The following GRAP2 variants were observed in gnomAD, a reference collection of about 807,000 sequenced individuals.
The protein encoded by GRAP2 is GRB2 related adaptor protein 2.
A neutral mutation model predicts 43.5 loss-of-function variants in GRAP2; 31 were observed. The observed-to-expected ratio is 0.71, with a 90% CI of 0.54 to 0.96. The LOEUF (loss-of-function observed/expected upper bound fraction) is 0.96. Ranked by LOEUF, GRAP2 falls within the 40% of genes least tolerant of loss-of-function variation. The pLI, the probability that GRAP2 is intolerant of heterozygous loss-of-function variation, is 0.00. For synonymous variants in GRAP2, 156 were observed against 164.8 expected (o/e 0.95, Z 0.41); for missense variants, 371 against 424.4 (o/e 0.87, Z 1.11).
At chr22:39,969,358 G>A (rs921307510) in intron 6 of GRAP2, 53 bp from the exon 7 acceptor site, 12 of 1,606,720 alleles carry the variant, frequency 7.5e-6, no homozygotes, top group Admixed American at 3.3e-5. Flanking sequence ...TGGGGGAACC[G>A]GTGGGAGATG....
chr22:39,971,860 A>C lies in GRAP2; in HGVS notation c.*776A>C, dbSNP rs573942548. ...CTCTGTTTCCCCAGCTATGAAGGAA[A>C]TAGCATCCTACATTCCGTAAAGTGC... On this transcript the variant is annotated 3_prime_UTR_variant, in exon 8 of 8. Coordinates refer to ENST00000344138, the MANE Select transcript of GRAP2 (RefSeq NM_004810.4). 1 of 152,362 alleles carries C rather than the reference A, an allele frequency of 6.6e-6. No homozygotes were observed. Among genetic ancestry groups the C allele is most frequent in the South Asian group, 2.1e-4 (1 of 4,828 alleles). 9.4% of individuals were successfully genotyped at this position (152,362 alleles called of 1,614,324 possible). A position where few individuals can be genotyped will look rare whatever the true frequency, so the allele number is the denominator to read the frequency against.
At chr22:39,957,432 C>T (rs1471151630) in intron 3 of GRAP2, among the ~76,000 whole-genome samples, 2 of 152,164 alleles carry the variant, frequency 1.3e-5, no homozygotes, top group Non-Finnish European at 2.9e-5. Flanking sequence ...CCTCCCCCAC[C>T]GCATCCACCT....
At chr22:39,944,681 G>A (rs1289708351) in intron 1 of GRAP2, among the ~76,000 whole-genome samples, 6 of 152,122 alleles carry the variant, frequency 3.9e-5, no homozygotes, top group Non-Finnish European at 5.9e-5. Flanking sequence ...CTTCTGCCTC[G>A]GCCTTCTCAC....
intron 1 of GRAP2, among the ~76,000 whole-genome samples, chr22:39,942,832 G>C (rs1033337080): frequency 1.3e-5 from 2 of 152,094 alleles, no homozygotes; most frequent in Non-Finnish European, 2.9e-5. Flanking sequence ...CTGATGTCCT[G>C]ACAAATATGT....
chr22:39,897,026 T>G (rs1012431201), upstream of GRAP2, among the ~76,000 whole-genome samples: 8 of 152,208 alleles, frequency 5.3e-5, no homozygotes, highest in African/African-American at 1.9e-4. Flanking sequence ...TTGTCTTCTC[T>G]ATCTATATTC....
chr22:39,973,439 C>G lies in GRAP2; in HGVS notation c.*2355C>G, dbSNP rs5750889. 6.6e-6 allele frequency: 1 copy of G among 152,220 alleles called. No homozygotes were observed. The highest frequency in any genetic ancestry group is 2.4e-5 in the African/African-American group (1 of 41,442). The allele number at this position is 152,220 out of a possible 1,614,324, so 9.4% of individuals were successfully genotyped here. ...GTCATCGGCCTGCAGGAGCTGACCC[C>G]GTAGGCAGGCGGTATGAGCAGAGCT... On this transcript the variant is annotated 3_prime_UTR_variant, in exon 8 of 8. Coordinates refer to ENST00000344138, the MANE Select transcript of GRAP2 (RefSeq NM_004810.4).
At chr22:39,915,113 C>T (rs563401744) in intron 1 of GRAP2, among the ~76,000 whole-genome samples, 69 of 146,486 alleles carry the variant, frequency 4.7e-4, no homozygotes, top group African/African-American at 1.7e-3. Context: ...CACTTGAACC[C>T]GGGAGGCAGA....
At chr22:39,929,562 T>A (rs1353430317) in intron 1 of GRAP2, among the ~76,000 whole-genome samples, 1 of 152,196 alleles carries the variant, frequency 6.6e-6, no homozygotes, top group Non-Finnish European at 1.5e-5. Flanking sequence ...TTGTCCTCCT[T>A]CTTTCCCATT....
At chr22:39,928,527 A>T (rs1412435768) in intron 1 of GRAP2, among the ~76,000 whole-genome samples, 2 of 152,210 alleles carry the variant, frequency 1.3e-5, no homozygotes, top group Non-Finnish European at 2.9e-5. Context: ...AGCTGAATTG[A>T]TTAAATCCCT....
intron 1 of GRAP2, among the ~76,000 whole-genome samples, chr22:39,901,656 T>C (rs532507075): frequency 3.3e-5 from 5 of 152,246 alleles, no homozygotes; most frequent in African/African-American, 1.2e-4. Flanking sequence ...TTCACCATGG[T>C]CAGAATTTAA....
upstream of GRAP2, among the ~76,000 whole-genome samples, chr22:39,900,216 A>C (rs2066485130): frequency 6.6e-6 from 1 of 152,224 alleles, no homozygotes; most frequent in African/African-American, 2.4e-5. Context: ...CATTGCAGAA[A>C]AAGTTTAAAT....
intron 6 of GRAP2, chr22:39,968,704 A>G: frequency 5.6e-6 from 1 of 177,424 alleles, no homozygotes; most frequent in South Asian, 1.7e-4. Flanking sequence ...ATGGGATTTC[A>G]GGCGGCTTAC....
chr22:39,904,801 T>G (rs1169590904), intron 1 of GRAP2, among the ~76,000 whole-genome samples: 3 of 152,226 alleles, frequency 2.0e-5, no homozygotes, highest in Admixed American at 6.5e-5. Context: ...GTCTCATGCT[T>G]CTTTCTTCAA....
At chr22:39,896,024 G>C in the GRAP2 span, among the ~76,000 whole-genome samples, 4 of 152,144 alleles carry the variant, frequency 2.6e-5, no homozygotes, top group African/African-American at 9.7e-5. Flanking sequence ...ACCAATCTTT[G>C]GTCCTTGATT....
chr22:39,963,730 C>T (rs1274919109), intron 4 of GRAP2, among the ~76,000 whole-genome samples: 1 of 152,158 alleles, frequency 6.6e-6, no homozygotes, highest in Non-Finnish European at 1.5e-5. Flanking sequence ...CCTAAGAAAC[C>T]TCCATGGTCA....
intron 1 of GRAP2, among the ~76,000 whole-genome samples, chr22:39,943,984 C>T (rs901401145): frequency 1.3e-5 from 2 of 152,038 alleles, no homozygotes; most frequent in African/African-American, 2.4e-5. Context: ...GGATTACAGG[C>T]GTGAGCCACT....
At chr22:39,902,819 G>A (rs2066501135) in intron 1 of GRAP2, among the ~76,000 whole-genome samples, 1 of 152,176 alleles carries the variant, frequency 6.6e-6, no homozygotes, top group Admixed American at 6.5e-5. Flanking sequence ...AAGAATAAAT[G>A]AGTTAACATA....
rs2067031997 is a variant in GRAP2 at position 39,955,069 on chromosome 22, G to A, written c.79-750G>A. ...AAAAACAATAACAAATTGAATTTTT[G>A]AAAAGTTTCCTGGGCCTGGTGGCTC... is the stretch of plus-strand genomic sequence containing the variant. On this transcript the variant is annotated intron_variant, in intron 2 of 7. Coordinates refer to ENST00000344138, the MANE Select transcript of GRAP2 (RefSeq NM_004810.4). 2.6e-5 allele frequency among the ~76,000 whole-genome samples: 4 copies of A among 152,136 alleles called. No individual in the cohort carries two copies. The South Asian group carries it at 8.3e-4, about 32-fold the overall frequency.
chr22:39,901,172 C>T lies in GRAP2; in HGVS notation c.-173C>T. 1.7e-6 allele frequency: 1 copy of T among 580,282 alleles called. No individual in the cohort carries two copies. The highest frequency in any genetic ancestry group is 1.9e-5 in the African/African-American group (1 of 52,388). 35.9% of individuals were successfully genotyped at this position (580,282 alleles called of 1,614,324 possible). On this transcript the variant is annotated 5_prime_UTR_variant, in exon 1 of 8. Coordinates refer to ENST00000344138, the MANE Select transcript of GRAP2 (RefSeq NM_004810.4). ...AGTTAATGGATCTGTAAACTTGCAC[C>T]CTCTTTCAGAGTGGTACATGGAAGA...
Sources: gnomAD v4.1 joint callset for allele counts (sites outside exome capture counted in the v4.1 genomes callset) on GRCh38, gnomAD v4.1.1 for gene constraint, MANE v1.5 for transcripts, NCBI Gene and HGNC (gene_info 2026-07-23, HGNC 2026-07-21) for gene names.